TMEM117: variants seen among roughly 807,000 people sequenced by gnomAD.
TMEM117 encodes transmembrane protein 117.
A neutral mutation model predicts 52.4 loss-of-function variants in TMEM117; 27 were observed. The observed-to-expected ratio is 0.51, with a 90% CI of 0.38 to 0.71. The LOEUF (loss-of-function observed/expected upper bound fraction) is 0.71, where lower values mean the gene tolerates loss of function less well. Ranked by LOEUF, TMEM117 falls within the 30% of genes least tolerant of loss-of-function variation. The pLI, the probability that TMEM117 is intolerant of heterozygous loss-of-function variation, is 0.00. For synonymous variants in TMEM117, 215 were observed against 206.3 expected (o/e 1.04, Z -0.36); for missense variants, 556 against 630.5 (o/e 0.88, Z 1.26).
intron 3 of TMEM117, among the ~76,000 whole-genome samples, chr12:43,954,352 A>G (rs749939794): frequency 1.8e-4 from 27 of 152,162 alleles, no homozygotes; most frequent in East Asian, 1.9e-4. Context: ...CAAAAAATCA[A>G]TGAATCCAGG....
intron 3 of TMEM117, among the ~76,000 whole-genome samples, chr12:44,076,424 A>C (rs941309905): frequency 6.6e-6 from 1 of 152,216 alleles, no homozygotes; most frequent in Non-Finnish European, 1.5e-5. Context: ...AAGGCAAGGA[A>C]GAAACAATCT....
the TMEM117 span, among the ~76,000 whole-genome samples, chr12:43,813,231 G>GCTTTTTTTT: frequency 1.9e-4 from 12 of 62,616 alleles, no homozygotes; most frequent in African/African-American, 7.1e-4. Context: ...GTTTTCTCTT[G>GCTTTTTTTT]TTTTTTTTTT....
intron 2 of TMEM117, among the ~76,000 whole-genome samples, chr12:43,915,301 C>T (rs982926283): frequency 1.3e-5 from 2 of 152,124 alleles, no homozygotes; most frequent in Non-Finnish European, 2.9e-5. Flanking sequence ...AAGCATTGTG[C>T]CAGGTGGCTG....
At chr12:44,296,039 C>T (rs899431915) in intron 5 of TMEM117, among the ~76,000 whole-genome samples, 7 of 152,134 alleles carry the variant, frequency 4.6e-5, no homozygotes, top group East Asian at 1.9e-4. Context: ...GGACCACAGT[C>T]GACTGGAATT....
intron 2 of TMEM117, among the ~76,000 whole-genome samples, chr12:43,920,551 T>C (rs1427574780): frequency 1.3e-3 from 9 of 6,884 alleles, no homozygotes; most frequent in African/African-American, 2.2e-3. Flanking sequence ...TAGAGGGCCT[T>C]TTTTTTTTTT....
chr12:44,391,368 T>C (rs1565789859), downstream of TMEM117, among the ~76,000 whole-genome samples: 1 of 152,176 alleles, frequency 6.6e-6, no homozygotes, highest in Non-Finnish European at 1.5e-5. Flanking sequence ...TGTTACCTTA[T>C]CTTTTAGCAT....
intron 3 of TMEM117, chr12:44,010,202 C>T (rs1487432516): frequency 5.9e-6 from 3 of 505,066 alleles, no homozygotes; most frequent in Admixed American, 2.1e-5. Context: ...GGGGCCACCT[C>T]TGACAAATGA....
intron 6 of TMEM117, among the ~76,000 whole-genome samples, chr12:44,371,549 C>G (rs1354237759): frequency 6.6e-6 from 1 of 152,098 alleles, no homozygotes; most frequent in Non-Finnish European, 1.5e-5. Context: ...TTTAGTTTCG[C>G]AGGGTAGGGT....
intron 3 of TMEM117, among the ~76,000 whole-genome samples, chr12:43,983,682 G>A (rs923949824): frequency 6.6e-6 from 1 of 150,662 alleles, no homozygotes; most frequent in African/African-American, 2.4e-5. Context: ...GAACAGGAGG[G>A]AATTAATCTA....
chr12:44,215,735 A>C (rs1949707094), intron 5 of TMEM117, among the ~76,000 whole-genome samples: 1 of 151,994 alleles, frequency 6.6e-6, no homozygotes, highest in Admixed American at 6.6e-5. Flanking sequence ...TTTTTAAAAA[A>C]AAAAAAGACA....
At chr12:44,006,752 TG>T in intron 3 of TMEM117, among the ~76,000 whole-genome samples, 1 of 152,300 alleles carries the variant, frequency 6.6e-6, no homozygotes, top group East Asian at 1.9e-4. Flanking sequence ...CATTTTTTTT[TG>T]TTTATAAAAT....
chr12:44,171,855 A>C (rs1279437337), intron 4 of TMEM117, among the ~76,000 whole-genome samples: 5 of 152,260 alleles, frequency 3.3e-5, no homozygotes, highest in Middle Eastern at 3.4e-3. Context: ...GAAGGAGAGA[A>C]GTATGAGAAG....
At chr12:44,100,814 A>G (rs570810998) in intron 3 of TMEM117, among the ~76,000 whole-genome samples, 1 of 152,052 alleles carries the variant, frequency 6.6e-6, no homozygotes, top group South Asian at 2.1e-4. Context: ...GTGACCTGCT[A>G]AACACCAGCT....
intron 2 of TMEM117, among the ~76,000 whole-genome samples, chr12:43,867,146 G>T (rs1389843361): frequency 6.6e-6 from 1 of 151,950 alleles, no homozygotes; most frequent in East Asian, 1.9e-4. Context: ...TTGTAATATT[G>T]TATGTCATGA....
At chr12:44,369,644 C>T (rs1462786208) in intron 6 of TMEM117, among the ~76,000 whole-genome samples, 1 of 152,070 alleles carries the variant, frequency 6.6e-6, no homozygotes, top group African/African-American at 2.4e-5. Flanking sequence ...TATTAGAATA[C>T]ACAAAAGCAC....
intron 3 of TMEM117, among the ~76,000 whole-genome samples, chr12:44,139,107 CA>C (rs1220533593): frequency 6.6e-6 from 1 of 152,136 alleles, no homozygotes; most frequent in African/African-American, 2.4e-5. Flanking sequence ...GTTGTCCAAA[CA>C]TGGCTGAGAG....
At chr12:44,381,000 T>A (rs563215817) in intron 7 of TMEM117, among the ~76,000 whole-genome samples, 1 of 152,260 alleles carries the variant, frequency 6.6e-6, no homozygotes, top group East Asian at 1.9e-4. Flanking sequence ...GATTTGAGTA[T>A]TTTTTTAATC....
chr12:44,081,488 T>C (rs1947480415), intron 3 of TMEM117, among the ~76,000 whole-genome samples: 1 of 152,142 alleles, frequency 6.6e-6, no homozygotes, highest in Non-Finnish European at 1.5e-5. Flanking sequence ...TTATTCACAC[T>C]GAGAGACAGA....
intron 4 of TMEM117, among the ~76,000 whole-genome samples, chr12:44,167,752 G>A (rs1948988745): frequency 6.6e-6 from 1 of 152,136 alleles, no homozygotes; most frequent in African/African-American, 2.4e-5. Flanking sequence ...GCTTAGCTTT[G>A]TTGAGTCTTA....
Sources: gnomAD v4.1 joint callset for allele counts (sites outside exome capture counted in the v4.1 genomes callset) on GRCh38, gnomAD v4.1.1 for gene constraint, MANE v1.5 for transcripts, NCBI Gene and HGNC (gene_info 2026-07-23, HGNC 2026-07-21) for gene names.